SLC19A3: variants seen among roughly 807,000 people sequenced by gnomAD.
SLC19A3 encodes thiamine transporter 2.
SLC19A3 carries 31 observed loss-of-function variants against 40.2 expected under a neutral mutation model. The observed-to-expected ratio is 0.77, with a 90% CI of 0.58 to 1.04. SLC19A3 has a LOEUF of 1.04. SLC19A3 is among the 50% of genes least tolerant of loss of function. The pLI is 0.00. For missense variants in SLC19A3, 592 were observed against 596.7 expected, an observed-to-expected ratio of 0.99 and a Z score of 0.08; for synonymous variants, 212 against 227.5, an observed-to-expected ratio of 0.93 and a Z score of 0.61.
intron 4 of SLC19A3, 38 bp downstream of exon 4, chr2:227,695,851 A>C: frequency 1.9e-6 from 3 of 1,583,656 alleles, no homozygotes; most frequent in Non-Finnish European, 2.6e-6. Context: ...AAGAGAGAGG[A>C]ATACAGTTCA....
In SLC19A3 at chr2:227,707,591, T is replaced by A. The variant is rs188290528; in HGVS notation, c.-2-5271A>T. The stretch of plus-strand genomic sequence containing the variant: ...AGCAAGACCCTGTTCTCAAAAAATA[T>A]ACAATAAAATAAAATATAATAAAAA... On this transcript the variant is annotated intron_variant, in intron 1 of 5. Transcript: ENST00000644224. 1.5e-3 allele frequency among the ~76,000 whole-genome samples: 222 copies of A among 150,980 alleles called. 1 individual carries two copies. The highest frequency in any genetic ancestry group is 5.2e-3 in the African/African-American group (216 of 41,298).
intron 1 of SLC19A3, among the ~76,000 whole-genome samples, chr2:227,711,473 G>A (rs541838167): frequency 7.0e-4 from 105 of 151,072 alleles, no homozygotes; most frequent in African/African-American, 2.5e-3. Context: ...AATAAAAATT[G>A]GAAGGTGGTT....
intron 4 of SLC19A3, 114 bp from the exon 5 acceptor site, chr2:227,688,421 T>A (rs1451116316): frequency 1.1e-6 from 1 of 885,424 alleles, no homozygotes; most frequent in Non-Finnish European, 1.8e-6. Flanking sequence ...CAGCTCCAGG[T>A]AGTCCAGCAA....
chr2:227,702,719 A>C (rs1695752654), intron 1 of SLC19A3: 1 of 204,686 alleles, frequency 4.9e-6, no homozygotes, highest in Non-Finnish European at 1.0e-5. Flanking sequence ...AAAACAAAAA[A>C]CAATCATTGT....
At chr2:227,687,698 C>A in intron 5 of SLC19A3, 125 bp from the exon 6 acceptor site, 1 of 905,490 alleles carries the variant, frequency 1.1e-6, no homozygotes, top group African/African-American at 1.7e-5. Flanking sequence ...TAATATGGGT[C>A]ATTTAGGTTG....
At chr2:227,712,733 A>G (rs1696183576) in intron 1 of SLC19A3, among the ~76,000 whole-genome samples, 1 of 152,264 alleles carries the variant, frequency 6.6e-6, no homozygotes, top group African/African-American at 2.4e-5. Context: ...AATACTAATT[A>G]GCAATAAAAA....
intron 3 of SLC19A3, 109 bp downstream of exon 3, chr2:227,698,627 T>C: frequency 9.8e-7 from 1 of 1,020,350 alleles, no homozygotes; most frequent in East Asian, 2.4e-5. Flanking sequence ...TGAAAAAAGT[T>C]ATGCTTCCTT....
In SLC19A3 at chr2:227,687,217, A is replaced by G; in HGVS notation, c.*180T>C. On this transcript the variant is annotated 3_prime_UTR_variant, in exon 6 of 6. Transcript: ENST00000644224. Reference sequence around the variant, plus strand: ...ACGGGTCCTGTCAATTGCATCCAGTAAAATTGGTCACATAGAGAACTCATC... The same window carrying G: ...ACGGGTCCTGTCAATTGCATCCAGTGAAATTGGTCACATAGAGAACTCATC... The G allele has an allele frequency of 1.7e-6, 1 of 586,862 alleles. No individual in the cohort carries two copies. Among genetic ancestry groups the G allele is most frequent in the Non-Finnish European group, 2.9e-6 (1 of 343,868 alleles). 36.4% of individuals were successfully genotyped at this position (586,862 alleles called of 1,614,324 possible). A position where few individuals can be genotyped will look rare whatever the true frequency, so the allele number is the denominator to read the frequency against.
chr2:227,696,202 A>G (rs1368092146), intron 3 of SLC19A3, 121 bp from the exon 4 acceptor site: 2 of 917,752 alleles, frequency 2.2e-6, no homozygotes, highest in African/African-American at 1.7e-5. Flanking sequence ...TGCTTTCACA[A>G]AATTGTGTGA....
chr2:227,699,103 G>C lies in SLC19A3; in HGVS notation c.612C>G (p.Ser204Arg), dbSNP rs763692436. Residue 204 changes from serine (S) to arginine (R), a missense_variant, in exon 3 of 6, where the codon AGC becomes AGG. By Grantham distance (110) the Ser-to-Arg change is moderately radical. Coordinates refer to ENST00000644224, the MANE Select transcript of SLC19A3 (RefSeq NM_025243.4). Reference protein sequence around the residue: ...KKSMFFHAKPSREIKKSSSVN... With the variant: ...KKSMFFHAKPRREIKKSSSVN... ...CGCTTGATGACTTCTTTATTTCTCT[G>C]CTGGGTTTTGCATGAAAAAACATGC... 2 of 1,614,022 alleles carry C rather than the reference G, an allele frequency of 1.2e-6. No individual in the cohort carries two copies. Among genetic ancestry groups the C allele is most frequent in the African/African-American group, 2.7e-5 (2 of 74,886 alleles).
Position 227,686,478 on chromosome 2 carries a change from C to G in SLC19A3, c.*919G>C, listed in dbSNP as rs758502895. The G allele has an allele frequency of 1.3e-5, 2 of 152,934 alleles. No individual in the cohort carries two copies. The highest frequency in any genetic ancestry group is 2.9e-5 in the Non-Finnish European group (2 of 68,552). The allele number at this position is 152,934 out of a possible 1,614,324, so 9.5% of individuals were successfully genotyped here. A position where few individuals can be genotyped will look rare whatever the true frequency, so the allele number is the denominator to read the frequency against. ...AGACTACAGGCACACACCACGCTGC[C>G]CAGCTAATTTTTTAATTTTTTAGTA... On this transcript the variant is annotated 3_prime_UTR_variant, in exon 6 of 6. Coordinates refer to ENST00000644224, the MANE Select transcript of SLC19A3 (RefSeq NM_025243.4).
intron 2 of SLC19A3, chr2:227,701,633 AT>A (rs72201057): frequency 0.12 from 6,957 of 60,362 alleles, 433 homozygotes; most frequent in African/African-American, 0.27. Context: ...AACAAAAACA[AT>A]TAAAAAAAAA....
At chr2:227,688,830 C>A (rs1317511803) in intron 4 of SLC19A3, among the ~76,000 whole-genome samples, 1 of 152,104 alleles carries the variant, frequency 6.6e-6, no homozygotes, top group East Asian at 1.9e-4. Context: ...CTTTTAGACA[C>A]AGAATTCAAA....
intron 5 of SLC19A3, 38 bp from the exon 6 acceptor site, chr2:227,687,611 G>T: frequency 1.9e-6 from 3 of 1,596,300 alleles, no homozygotes; most frequent in South Asian, 2.2e-5. Flanking sequence ...TATAAAATAT[G>T]ACCATCTATG....
intron 1 of SLC19A3, among the ~76,000 whole-genome samples, chr2:227,717,250 G>A (rs909894992): frequency 1.3e-5 from 2 of 152,006 alleles, no homozygotes; most frequent in Non-Finnish European, 2.9e-5. Context: ...AATCCGCCCC[G>A]CTCAGCCTCC....
intron 2 of SLC19A3, among the ~76,000 whole-genome samples, chr2:227,700,253 T>A (rs1206966474): frequency 6.6e-6 from 1 of 151,448 alleles, no homozygotes; most frequent in Non-Finnish European, 1.5e-5. Context: ...GTTAAAAGAA[T>A]CCAGGCCAGG....
intron 1 of SLC19A3, among the ~76,000 whole-genome samples, chr2:227,716,117 G>C (rs1246469619): frequency 6.6e-6 from 1 of 152,080 alleles, no homozygotes; most frequent in South Asian, 2.1e-4. Context: ...AAAAATTAGA[G>C]GTCATTTGAG....
In SLC19A3 at chr2:227,695,990, G is replaced by A. The variant is rs957778131; in HGVS notation, c.1071C>T (p.Ala357=). ...TGTAATGCATGAGAAATAAAGAACC[G>A]GCATTGACAACTGAGAAGACCACCA... The part of the protein sequence containing the change: ...LALVVFSVVN[A]GSLFLMHYTA... Residue 357 remains alanine, a synonymous_variant, in exon 4 of 6, where the codon GCC becomes GCT. Transcript: ENST00000644224. The A allele has an allele frequency of 2.7e-5, 43 of 1,613,910 alleles. No individual in the cohort carries two copies. Among genetic ancestry groups the A allele is most frequent in the Admixed American group, 3.3e-5 (2 of 59,980 alleles).
chr2:227,716,732 T>G (rs1338787195), intron 1 of SLC19A3, among the ~76,000 whole-genome samples: 1 of 152,148 alleles, frequency 6.6e-6, no homozygotes, highest in Non-Finnish European at 1.5e-5. Context: ...ATCACTCTGA[T>G]TCTCCCTGTG....
Sources: allele counts gnomAD v4.1 joint callset (sites outside exome capture counted in the v4.1 genomes callset), GRCh38; gene constraint gnomAD v4.1.1; transcripts MANE v1.5; gene names NCBI Gene and HGNC (gene_info 2026-07-23, HGNC 2026-07-21).